RBKS: variants seen among roughly 807,000 people sequenced by gnomAD.
RBKS encodes ribokinase.
RBKS carries 33 observed loss-of-function variants against 33.9 expected under a neutral mutation model. The ratio of observed to expected loss-of-function variants is 0.97; its 90% CI spans 0.74 to 1.30. The LOEUF is 1.30. Ranked by LOEUF, RBKS falls within the 50% of genes most tolerant of loss-of-function variation. The pLI, the probability that RBKS is intolerant of heterozygous loss-of-function variation, is 0.00. For missense variants in RBKS, 361 were observed against 392.6 expected, an observed-to-expected ratio of 0.92 and a Z score of 0.68; for synonymous variants, 125 against 143.0, an observed-to-expected ratio of 0.87 and a Z score of 0.90.
At chr2:27,882,271 C>T (rs929601567) in intron 1 of RBKS, among the ~76,000 whole-genome samples, 1 of 152,044 alleles carries the variant, frequency 6.6e-6, no homozygotes, top group African/African-American at 2.4e-5. Context: ...CATGAACAAA[C>T]ACTTTTCTAA....
At chr2:27,787,013 C>T (rs940410555) in intron 7 of RBKS, among the ~76,000 whole-genome samples, 1 of 152,072 alleles carries the variant, frequency 6.6e-6, no homozygotes, top group East Asian at 1.9e-4. Context: ...TTTTGAGATA[C>T]GGTCTTGCTC....
intron 2 of RBKS, among the ~76,000 whole-genome samples, chr2:27,855,170 CCT>C (rs1248972867): frequency 1.3e-5 from 2 of 152,070 alleles, no homozygotes; most frequent in Admixed American, 6.5e-5. Flanking sequence ...ATCAGTATCA[CCT>C]CTGTCACAAA....
intron 5 of RBKS, among the ~76,000 whole-genome samples, chr2:27,835,437 C>G (rs1377801879): frequency 2.1e-5 from 3 of 143,580 alleles, no homozygotes; most frequent in Non-Finnish European, 4.5e-5. Flanking sequence ...CCCACCCCCC[C>G]TTTTCTGAGA....
chr2:27,842,918 T>C (rs775170060), intron 5 of RBKS, 149 bp downstream of exon 5: 21 of 528,414 alleles, frequency 4.0e-5, no homozygotes, highest in Non-Finnish European at 6.0e-5. Context: ...TCTAACATTA[T>C]CAAGAACCAC....
chr2:27,786,798 AAG>A (rs1397497544), intron 7 of RBKS, among the ~76,000 whole-genome samples: 3 of 151,388 alleles, frequency 2.0e-5, no homozygotes, highest in Non-Finnish European at 2.9e-5. Flanking sequence ...AAAAAAAAGA[AAG>A]AAAGTTTAAA....
At chr2:27,799,000 C>T (rs537825462) in intron 7 of RBKS, among the ~76,000 whole-genome samples, 11 of 152,302 alleles carry the variant, frequency 7.2e-5, no homozygotes, top group Admixed American at 7.2e-4. Flanking sequence ...CATCACCTCC[C>T]TGTCCTGAGA....
At chr2:27,880,888 C>T (rs956162750) in intron 1 of RBKS, among the ~76,000 whole-genome samples, 1 of 152,102 alleles carries the variant, frequency 6.6e-6, no homozygotes, top group African/African-American at 2.4e-5. Context: ...GCTACCATGA[C>T]ATTCATCACA....
At chr2:27,844,660 G>A (rs1663586376) in intron 4 of RBKS, among the ~76,000 whole-genome samples, 1 of 152,136 alleles carries the variant, frequency 6.6e-6, no homozygotes, top group Non-Finnish European at 1.5e-5. Flanking sequence ...GCCTCCCAAA[G>A]TGCGGGGATT....
At chr2:27,875,408 T>C (rs575976671) in intron 1 of RBKS, among the ~76,000 whole-genome samples, 3 of 152,180 alleles carry the variant, frequency 2.0e-5, no homozygotes, top group South Asian at 2.1e-4. Flanking sequence ...TAAAAATTAG[T>C]TGGGCATGGT....
rs545976197 is a variant in RBKS at position 27,863,671 on chromosome 2, G to C, written c.90-5100C>G. 7.2e-5 allele frequency among the ~76,000 whole-genome samples: 11 copies of C among 152,310 alleles called. No homozygotes were observed. In the East Asian group the frequency reaches 1.9e-3, roughly 27 times the overall value. ...TGTGTTGCTTTTTGGCTTTTGCACT[G>C]ATCTTTTCTCCTTTTGGCTGCAAGC... On this transcript the variant is annotated intron_variant, in intron 1 of 7. Transcript: ENST00000302188.
intron 1 of RBKS, chr2:27,861,668 G>GGGC (rs1379941192): frequency 4.7e-6 from 2 of 429,678 alleles, no homozygotes; most frequent in South Asian, 1.7e-5. Flanking sequence ...CTTTTTGGGG[G>GGGC]GGGGGTGGAG....
intron 7 of RBKS, among the ~76,000 whole-genome samples, chr2:27,817,002 G>A (rs1678108005): frequency 6.6e-6 from 1 of 152,216 alleles, no homozygotes; most frequent in African/African-American, 2.4e-5. Context: ...CATCTTAAAT[G>A]TAGAACTTAA....
At chr2:27,805,984 T>C (rs774980423) in intron 7 of RBKS, among the ~76,000 whole-genome samples, 8 of 152,052 alleles carry the variant, frequency 5.3e-5, no homozygotes, top group Non-Finnish European at 1.2e-4. Context: ...CTCAACCTCC[T>C]GGGCTCAAGT....
chr2:27,817,163 G>A (rs1259703335), intron 7 of RBKS, among the ~76,000 whole-genome samples: 3 of 152,154 alleles, frequency 2.0e-5, no homozygotes, highest in Non-Finnish European at 4.4e-5. Context: ...TATATGCCAA[G>A]CATTGTATTA....
rs540695254 is a variant in RBKS, at chr2:27,791,214, C to T, written c.796-9426G>A. Reference sequence around the variant, plus strand: ...ATGAGTTTTGTGATGGTGAATTTTACGTGTTAACTTGACTAGGTTGAATGA... The same window carrying T: ...ATGAGTTTTGTGATGGTGAATTTTATGTGTTAACTTGACTAGGTTGAATGA... On this transcript the variant is annotated intron_variant, in intron 7 of 7. Coordinates refer to ENST00000302188, the MANE Select transcript of RBKS (RefSeq NM_022128.3). Among the ~76,000 whole-genome samples the T allele has an allele frequency of 7.2e-5, 11 of 152,238 alleles. No homozygotes were observed. In the South Asian group the frequency reaches 1.9e-3, roughly 26 times the overall value.
chr2:27,862,855 T>C (rs2148221853), intron 1 of RBKS, among the ~76,000 whole-genome samples: 1 of 152,348 alleles, frequency 6.6e-6, no homozygotes, highest in African/African-American at 2.4e-5. Flanking sequence ...CAGAAGCATT[T>C]CTGAATTATA....
chr2:27,810,670 C>G lies in RBKS; in HGVS notation c.795+16897G>C, dbSNP rs183057965. ...GAAATAACCATCTTAGTTATCGCCC[C>G]ACTGCCCCCACTTTTTTTAAGGAAA... On this transcript the variant is annotated intron_variant, in intron 7 of 7. Coordinates refer to ENST00000302188, the MANE Select transcript of RBKS (RefSeq NM_022128.3). The surrounding 1 kb of genome is among the most constrained non-coding windows in gnomAD (Gnocchi z 4.4). 5.9e-5 allele frequency among the ~76,000 whole-genome samples: 9 copies of G among 152,204 alleles called. No homozygotes were observed. Among genetic ancestry groups the G allele is most frequent in the African/African-American group, 2.2e-4 (9 of 41,510 alleles).
At chr2:27,887,047 A>T (rs1051314597) in intron 1 of RBKS, among the ~76,000 whole-genome samples, 17 of 152,224 alleles carry the variant, frequency 1.1e-4, no homozygotes, top group Non-Finnish European at 2.2e-4. Context: ...ATATGTTGTT[A>T]CGTGGCAAGG....
intron 7 of RBKS, among the ~76,000 whole-genome samples, chr2:27,790,437 T>G (rs971031000): frequency 1.1e-4 from 17 of 152,322 alleles, no homozygotes; most frequent in African/African-American, 4.1e-4. Flanking sequence ...TTAAAAAACC[T>G]GATAAACTGA....
Sources: gnomAD v4.1 joint callset for allele counts (sites outside exome capture counted in the v4.1 genomes callset) on GRCh38, gnomAD v4.1.1 for gene constraint, Gnocchi (gnomAD v3.1) non-coding constraint, MANE v1.5 for transcripts, NCBI Gene and HGNC (gene_info 2026-07-23, HGNC 2026-07-21) for gene names.